SUGCT: variants seen among roughly 807,000 people sequenced by gnomAD.
The protein encoded by SUGCT is succinyl-CoA:glutarate CoA-transferase.
SUGCT carries 41 observed loss-of-function variants against 55.0 expected under a neutral mutation model. That is an observed-to-expected ratio of 0.74 (90% CI 0.58 to 0.97). The LOEUF (loss-of-function observed/expected upper bound fraction) is 0.97, where lower values mean the gene tolerates loss of function less well. SUGCT is among the 50% of genes least tolerant of loss of function. The pLI is 0.00. For missense variants in SUGCT, 568 were observed against 547.8 expected (o/e 1.04, Z -0.37); for synonymous variants, 187 against 200.4 (o/e 0.93, Z 0.56).
intron 12 of SUGCT, among the ~76,000 whole-genome samples, chr7:40,671,540 C>A (rs1429035820): frequency 6.6e-6 from 1 of 152,042 alleles, no homozygotes; most frequent in African/African-American, 2.4e-5. Flanking sequence ...TTAAACACAT[C>A]AAAATCAATT....
At chr7:40,640,414 T>A (rs930892452) in intron 12 of SUGCT, among the ~76,000 whole-genome samples, 1 of 152,152 alleles carries the variant, frequency 6.6e-6, no homozygotes, top group African/African-American at 2.4e-5. Context: ...TGTAGATACA[T>A]GCATGGCTAA....
chr7:40,688,377 A>G (rs1210660668), intron 12 of SUGCT, among the ~76,000 whole-genome samples: 1 of 152,190 alleles, frequency 6.6e-6, no homozygotes, highest in African/African-American at 2.4e-5. Flanking sequence ...AGAAATTACA[A>G]TCCAAGTCTT....
chr7:40,371,945 AACACACAC>A (rs137960410), intron 9 of SUGCT, among the ~76,000 whole-genome samples: 6 of 147,706 alleles, frequency 4.1e-5, no homozygotes, highest in African/African-American at 9.9e-5. Context: ...ATACATCTCG[AACACACAC>A]ACACACACAC....
chr7:40,727,121 C>G (rs532934405), intron 12 of SUGCT, among the ~76,000 whole-genome samples: 3 of 152,116 alleles, frequency 2.0e-5, no homozygotes, highest in Non-Finnish European at 2.9e-5. Flanking sequence ...AAGGCAGTTA[C>G]TTTTTCTCTA....
intron 12 of SUGCT, among the ~76,000 whole-genome samples, chr7:40,687,961 C>T (rs1784538726): frequency 6.6e-6 from 1 of 152,080 alleles, no homozygotes. Context: ...TACAGGGCCC[C>T]CCAATATTTT....
intron 7 of SUGCT, among the ~76,000 whole-genome samples, chr7:40,240,398 A>G (rs1049152570): frequency 2.6e-5 from 4 of 152,018 alleles, no homozygotes; most frequent in African/African-American, 9.7e-5. Context: ...CAGGAGAATC[A>G]CTTGAACCTG....
At chr7:40,684,669 C>T (rs1784392514) in intron 12 of SUGCT, among the ~76,000 whole-genome samples, 1 of 152,086 alleles carries the variant, frequency 6.6e-6, no homozygotes, top group African/African-American at 2.4e-5. Flanking sequence ...GGATTTAGCT[C>T]TCTTGTTCCA....
the SUGCT span, among the ~76,000 whole-genome samples, chr7:40,971,346 T>A: frequency 1.3e-5 from 2 of 152,158 alleles, no homozygotes; most frequent in African/African-American, 4.8e-5. Context: ...ACAATGGGGA[T>A]TACATTTCCA....
intron 9 of SUGCT, among the ~76,000 whole-genome samples, chr7:40,444,019 G>A (rs1189964230): frequency 6.6e-6 from 1 of 152,126 alleles, no homozygotes; most frequent in Non-Finnish European, 1.5e-5. Context: ...GCTTGTCAAA[G>A]ATCAGATGGT....
At chr7:40,444,257 A>T (rs957585764) in intron 9 of SUGCT, among the ~76,000 whole-genome samples, 1 of 152,172 alleles carries the variant, frequency 6.6e-6, no homozygotes, top group African/African-American at 2.4e-5. Flanking sequence ...CAATTCTGTG[A>T]AGAAAGTCAT....
At chr7:40,564,088 T>A (rs1156967221) in intron 12 of SUGCT, among the ~76,000 whole-genome samples, 1 of 152,160 alleles carries the variant, frequency 6.6e-6, no homozygotes, top group Non-Finnish European at 1.5e-5. Context: ...ATATGCAACG[T>A]CTTGGCCGGG....
intron 11 of SUGCT, among the ~76,000 whole-genome samples, chr7:40,466,449 G>A (rs945131335): frequency 1.2e-4 from 18 of 152,242 alleles, no homozygotes; most frequent in South Asian, 2.1e-4. Flanking sequence ...TTCTGGCCTC[G>A]CTAGTCTGTT....
chr7:40,718,054 G>C (rs563466705), intron 12 of SUGCT, among the ~76,000 whole-genome samples: 30 of 152,104 alleles, frequency 2.0e-4, no homozygotes, highest in Non-Finnish European at 3.8e-4. Flanking sequence ...AGTAAAGGGA[G>C]AATACAAATG....
intron 9 of SUGCT, among the ~76,000 whole-genome samples, chr7:40,419,127 T>G (rs1787166330): frequency 6.6e-6 from 1 of 152,216 alleles, no homozygotes; most frequent in African/African-American, 2.4e-5. Context: ...TGCTCATTTA[T>G]GGGGCGGTGA....
intron 9 of SUGCT, among the ~76,000 whole-genome samples, chr7:40,422,620 A>G (rs1354162125): frequency 6.6e-6 from 1 of 152,174 alleles, no homozygotes; most frequent in Non-Finnish European, 1.5e-5. Flanking sequence ...TCTGTATACA[A>G]TGTAACCTTT....
At chr7:40,688,192 G>A (rs1012421462) in intron 12 of SUGCT, among the ~76,000 whole-genome samples, 8 of 152,152 alleles carry the variant, frequency 5.3e-5, no homozygotes, top group Middle Eastern at 3.2e-3. Flanking sequence ...TGGCCCAACA[G>A]CTTCAACTTT....
intron 12 of SUGCT, among the ~76,000 whole-genome samples, chr7:40,660,569 T>C (rs1801253072): frequency 6.6e-6 from 1 of 152,178 alleles, no homozygotes; most frequent in African/African-American, 2.4e-5. Context: ...GAGGTTTTTA[T>C]AGTAAGCTTG....
intron 12 of SUGCT, among the ~76,000 whole-genome samples, chr7:40,672,831 T>C (rs1296523684): frequency 5.3e-5 from 8 of 152,208 alleles, no homozygotes; most frequent in African/African-American, 1.9e-4. Context: ...TTAGGTATAG[T>C]TTACATACAA....
At chr7:40,337,338 G>C (rs1796771950) in intron 9 of SUGCT, among the ~76,000 whole-genome samples, 1 of 152,154 alleles carries the variant, frequency 6.6e-6, no homozygotes, top group Non-Finnish European at 1.5e-5. Context: ...GTCTAATGTT[G>C]ACAGTGGGGT....
Sources: allele counts gnomAD v4.1 joint callset (sites outside exome capture counted in the v4.1 genomes callset), GRCh38; gene constraint gnomAD v4.1.1; transcripts MANE v1.5; gene names NCBI Gene and HGNC (gene_info 2026-07-23, HGNC 2026-07-21).